The following MBD5 variants were observed in gnomAD, a reference collection of about 807,000 sequenced individuals.
The protein encoded by MBD5 is methyl-CpG-binding domain protein 5.
Under a neutral mutation model 117.3 loss-of-function variants are expected in MBD5, and 13 were observed. That is an observed-to-expected ratio of 0.11 (90% CI 0.07 to 0.18). The LOEUF is 0.18. MBD5 is among the 10% of genes least tolerant of loss of function. The pLI, the probability that MBD5 is intolerant of heterozygous loss-of-function variation, is 1.00. For synonymous variants in MBD5, 727 were observed against 766.4 expected (o/e 0.95, Z 0.85); for missense variants, 1,879 against 2,093.8 (o/e 0.90, Z 2.00).
At chr2:148,186,627 A>T in intron 2 of MBD5, among the ~76,000 whole-genome samples, 1 of 152,222 alleles carries the variant, frequency 6.6e-6, no homozygotes, top group East Asian at 1.9e-4. Flanking sequence ...TAATAACAGG[A>T]CATTTTGCCG....
chr2:148,038,835 G>A (rs1441107458), intron 1 of MBD5, among the ~76,000 whole-genome samples: 1 of 151,888 alleles, frequency 6.6e-6, no homozygotes, highest in Non-Finnish European at 1.5e-5. Flanking sequence ...TTAACGAAGG[G>A]TTTGATTTTT....
In MBD5 at chr2:148,277,029, G is replaced by A. The variant is rs535377584; in HGVS notation, c.-680+43634G>A. Among the ~76,000 whole-genome samples, 5 of 152,116 alleles carry A rather than the reference G, an allele frequency of 3.3e-5. No homozygotes were observed. The East Asian group carries it at 9.6e-4, about 29-fold the overall frequency. On this transcript the variant is annotated intron_variant, in intron 3 of 13. Coordinates refer to ENST00000642680, the MANE Select transcript of MBD5 (RefSeq NM_001378120.1). Reference sequence around the variant, plus strand: ...GGCTCTGTGGCTTCGGAGAACAATTGTGTCTCCCTTTCTTCAACATCACTC... The same window carrying A: ...GGCTCTGTGGCTTCGGAGAACAATTATGTCTCCCTTTCTTCAACATCACTC...
intron 3 of MBD5, among the ~76,000 whole-genome samples, chr2:148,260,059 G>T (rs1299941732): frequency 6.6e-6 from 1 of 152,094 alleles, no homozygotes; most frequent in East Asian, 1.9e-4. Flanking sequence ...GTTGTCTGTG[G>T]CAGTTCTTTA....
intron 4 of MBD5, among the ~76,000 whole-genome samples, chr2:148,432,996 G>A (rs1487375756): frequency 6.6e-6 from 1 of 152,110 alleles, no homozygotes; most frequent in Non-Finnish European, 1.5e-5. Context: ...TCCTGTCCAT[G>A]AATATGGAAT....
chr2:148,290,321 C>A (rs1402576555), intron 3 of MBD5, among the ~76,000 whole-genome samples: 1 of 151,408 alleles, frequency 6.6e-6, no homozygotes, highest in African/African-American at 2.4e-5. Context: ...ATCTAAGAAA[C>A]AATAAACACT....
At chr2:148,390,563 GTATA>G (rs10566882) in intron 4 of MBD5, among the ~76,000 whole-genome samples, 2,989 of 147,430 alleles carry the variant, frequency 0.02, 85 homozygotes, top group African/African-American at 0.068. Flanking sequence ...GTGTATGTGT[GTATA>G]TATATATATA....
At chr2:148,160,373 G>C (rs1312917239) in intron 1 of MBD5, among the ~76,000 whole-genome samples, 1 of 152,062 alleles carries the variant, frequency 6.6e-6, no homozygotes, top group Non-Finnish European at 1.5e-5. Flanking sequence ...CTCCAGCCTG[G>C]GTGTCAGATC....
At chr2:148,406,646 A>G (rs542998938) in intron 4 of MBD5, among the ~76,000 whole-genome samples, 1 of 152,050 alleles carries the variant, frequency 6.6e-6, no homozygotes, top group East Asian at 1.9e-4. Context: ...CTCCTCACCT[A>G]TTTTTCCAAC....
chr2:148,390,013 A>G (rs1704517452), intron 4 of MBD5, among the ~76,000 whole-genome samples: 1 of 152,104 alleles, frequency 6.6e-6, no homozygotes, highest in Admixed American at 6.5e-5. Context: ...ATGTCCAGAA[A>G]AGTTTTTCCT....
At chr2:148,185,946 G>T (rs940084531) in intron 2 of MBD5, among the ~76,000 whole-genome samples, 6 of 152,092 alleles carry the variant, frequency 3.9e-5, no homozygotes, top group African/African-American at 1.4e-4. Context: ...TTTAAATGTG[G>T]ATATTTAGCA....
intron 1 of MBD5, among the ~76,000 whole-genome samples, chr2:148,149,882 T>C (rs1209498153): frequency 1.2e-4 from 18 of 146,742 alleles, no homozygotes; most frequent in African/African-American, 2.3e-4. Context: ...TTCTCCCATT[T>C]TGTAGGTTGC....
chr2:148,489,314 A>G, intron 10 of MBD5, 72 bp from the exon 11 acceptor site: 1 of 1,575,836 alleles, frequency 6.3e-7, no homozygotes, highest in Non-Finnish European at 8.7e-7. Context: ...AAATTTTAAA[A>G]TTATAGTCTT....
intron 1 of MBD5, among the ~76,000 whole-genome samples, chr2:148,104,607 C>T (rs1456747614): frequency 2.0e-5 from 3 of 152,094 alleles, no homozygotes; most frequent in African/African-American, 4.8e-5. Context: ...TCAGCATTCT[C>T]GATTTGCAGT....
chr2:148,281,971 G>GT (rs1701258715), intron 3 of MBD5, among the ~76,000 whole-genome samples: 1 of 152,130 alleles, frequency 6.6e-6, no homozygotes, highest in Non-Finnish European at 1.5e-5. Flanking sequence ...CAGACTTGGA[G>GT]CTTAACTATT....
chr2:148,293,916 A>T (rs1284837685), intron 3 of MBD5, among the ~76,000 whole-genome samples: 2 of 152,194 alleles, frequency 1.3e-5, no homozygotes, highest in African/African-American at 2.4e-5. Flanking sequence ...GACCCACAGT[A>T]CTTTCTCCTA....
At chr2:148,294,874 C>T (rs1317754792) in intron 3 of MBD5, among the ~76,000 whole-genome samples, 2 of 152,142 alleles carry the variant, frequency 1.3e-5, no homozygotes, top group Admixed American at 6.5e-5. Flanking sequence ...TTTATATCAT[C>T]CCTCTGCCTT....
At chr2:148,472,510 C>T (rs1180568594) in intron 8 of MBD5, 15 of 152,120 alleles carry the variant, frequency 9.9e-5, no homozygotes, top group African/African-American at 3.1e-4. Context: ...ATGAACATAA[C>T]TCTTTCGATG....
intron 4 of MBD5, among the ~76,000 whole-genome samples, chr2:148,414,408 C>T (rs1446667053): frequency 1.3e-5 from 2 of 152,082 alleles, no homozygotes; most frequent in South Asian, 2.1e-4. Context: ...AGAGTTTGTG[C>T]CATGTGCATA....
intron 4 of MBD5, among the ~76,000 whole-genome samples, chr2:148,400,191 T>C (rs1704874567): frequency 6.6e-6 from 1 of 152,200 alleles, no homozygotes; most frequent in Non-Finnish European, 1.5e-5. Context: ...GGAATGTTGA[T>C]AGAATCCTTT....
Sources: allele counts gnomAD v4.1 joint callset (sites outside exome capture counted in the v4.1 genomes callset), GRCh38; gene constraint gnomAD v4.1.1; transcripts MANE v1.5; gene names NCBI Gene and HGNC (gene_info 2026-07-23, HGNC 2026-07-21).